The following NSRP1 variants were observed in gnomAD, a reference collection of about 807,000 sequenced individuals.
NSRP1 encodes nuclear speckle splicing regulatory protein 1, also known as coiled-coil domain containing 55.
NSRP1 carries 24 observed loss-of-function variants against 54.7 expected under a neutral mutation model. The ratio of observed to expected loss-of-function variants is 0.44; its 90% CI spans 0.32 to 0.62. The LOEUF is 0.62. Among genes scored for constraint, NSRP1 ranks in the 20% least tolerant of loss-of-function variants. The pLI is 0.06. For synonymous variants in NSRP1, 210 were observed against 213.8 expected, an observed-to-expected ratio of 0.98 and a Z score of 0.15; for missense variants, 596 against 651.2, an observed-to-expected ratio of 0.92 and a Z score of 0.92.
chr17:30,116,870 G>A lies in NSRP1; in HGVS notation c.20+7G>A. On this transcript the variant is annotated splice_region_variant and intron_variant, in intron 1 of 6. Coordinates refer to ENST00000247026, the MANE Select transcript of NSRP1 (RefSeq NM_032141.4). ...TGGCGATTCCGGGCAGGCAGTGAGTGATCCGGGAGTTAGGGTCAGGCTGGG... is the reference window on the plus strand; with the variant it reads ...TGGCGATTCCGGGCAGGCAGTGAGTAATCCGGGAGTTAGGGTCAGGCTGGG... The A allele has an allele frequency of 6.4e-7, 1 of 1,573,064 alleles. No homozygotes were observed. The highest frequency in any genetic ancestry group is 8.6e-7 in the Non-Finnish European group (1 of 1,158,722).
intron 2 of NSRP1, among the ~76,000 whole-genome samples, chr17:30,132,780 C>T (rs1037900750): frequency 6.6e-6 from 1 of 152,202 alleles, no homozygotes; most frequent in Admixed American, 6.5e-5. Flanking sequence ...TTGGAATCAG[C>T]TTCTTCCAAA....
intron 2 of NSRP1, chr17:30,156,743 T>G (rs2143005148): frequency 6.6e-6 from 1 of 152,394 alleles, no homozygotes. Context: ...GGTCTCGAAC[T>G]CCCGACCTCA....
chr17:30,123,908 A>G (rs988630683), intron 2 of NSRP1, among the ~76,000 whole-genome samples: 2 of 152,150 alleles, frequency 1.3e-5, no homozygotes, highest in Non-Finnish European at 2.9e-5. Context: ...ATCACTTACT[A>G]TGGATACAAC....
chr17:30,148,648 C>T (rs910823413), intron 2 of NSRP1, among the ~76,000 whole-genome samples: 6 of 152,114 alleles, frequency 3.9e-5, no homozygotes, highest in Non-Finnish European at 8.8e-5. Context: ...GCGGTGATCA[C>T]CAGTTTTTTT....
chr17:30,157,810 A>G (rs1904362597), intron 2 of NSRP1, among the ~76,000 whole-genome samples: 1 of 152,160 alleles, frequency 6.6e-6, no homozygotes, highest in Admixed American at 6.5e-5. Flanking sequence ...AATGATCTCC[A>G]TTTCTATCCA....
intron 6 of NSRP1, among the ~76,000 whole-genome samples, chr17:30,183,199 T>C (rs147735464): frequency 6.1e-5 from 9 of 148,472 alleles, no homozygotes; most frequent in African/African-American, 2.2e-4. Context: ...TAGCTGAAGG[T>C]AAAAGAGTCT....
rs527602784 is a variant in NSRP1, at chr17:30,132,605, A to G, written c.114+14432A>G. ...CATCCAGTAGAAGAAATTTGTCATCAATTCAAGTTTTATCATGAGATTGTC... is the reference window on the plus strand; with the variant it reads ...CATCCAGTAGAAGAAATTTGTCATCGATTCAAGTTTTATCATGAGATTGTC... On this transcript the variant is annotated intron_variant, in intron 2 of 6. Transcript: ENST00000247026. Among the ~76,000 whole-genome samples, 5 of 152,334 alleles carry G rather than the reference A, an allele frequency of 3.3e-5. No individual in the cohort carries two copies. The East Asian group carries it at 7.7e-4, about 23-fold the overall frequency.
chr17:30,179,203 T>G lies in NSRP1; in HGVS notation c.414T>G (p.Asp138Glu). The change falls in exon 5 of 7, where the codon GAT (aspartate) becomes GAG (glutamate). Residue 138 changes from aspartate (D) to glutamate (E), a missense_variant. Asp to Glu is a conservative substitution (Grantham distance 45). Transcript: ENST00000247026. ...REREMEKGEF[D>E]DKEAFVTSAY... is the part of the protein sequence containing the mutation. Reference sequence around the variant, plus strand: ...GAGAAATGGAAAAGGGGGAGTTTGATGATAAAGAAGCATTTGTGACATCTG... The same window carrying G: ...GAGAAATGGAAAAGGGGGAGTTTGAGGATAAAGAAGCATTTGTGACATCTG... The G allele has an allele frequency of 6.2e-7, 1 of 1,611,540 alleles. No individual in the cohort carries two copies. Among genetic ancestry groups the G allele is most frequent in the Middle Eastern group, 1.7e-4 (1 of 6,054 alleles).
intron 2 of NSRP1, among the ~76,000 whole-genome samples, chr17:30,145,367 G>A (rs973377885): frequency 2.8e-4 from 42 of 152,244 alleles, no homozygotes; most frequent in Admixed American, 7.2e-4. Flanking sequence ...GGCGGATCAC[G>A]AGGTCAAGAG....
At chr17:30,153,778 G>C (rs1360023295) in intron 2 of NSRP1, among the ~76,000 whole-genome samples, 1 of 152,030 alleles carries the variant, frequency 6.6e-6, no homozygotes, top group Non-Finnish European at 1.5e-5. Context: ...CCCCTGCTCT[G>C]GATCTGTGCT....
rs1237138831 is a variant in NSRP1 at position 30,185,008 on chromosome 17, C to T, written c.1011C>T (p.Tyr337=). The T allele has an allele frequency of 6.2e-7, 1 of 1,613,914 alleles. No homozygotes were observed. The highest frequency in any genetic ancestry group is 2.2e-5 in the East Asian group (1 of 44,852). The change falls in exon 7 of 7, where the codon TAC becomes TAT. Residue 337 remains tyrosine, a synonymous_variant. Transcript: ENST00000247026. ...AGAACCATTACACTGACCGTGATTA[C>T]CGGAAAGAAAGGGATTCTCATAGGC... The part of the protein sequence containing the change: ...DQENHYTDRD[Y]RKERDSHRHR...
chr17:30,145,513 G>C (rs544002381), intron 2 of NSRP1, among the ~76,000 whole-genome samples: 41 of 152,232 alleles, frequency 2.7e-4, no homozygotes, highest in African/African-American at 9.6e-4. Context: ...AATCCGGGAG[G>C]TGGAGGTTGC....
At chr17:30,149,059 G>A (rs915374234) in intron 2 of NSRP1, among the ~76,000 whole-genome samples, 2 of 152,114 alleles carry the variant, frequency 1.3e-5, no homozygotes, top group South Asian at 2.1e-4. Context: ...ACAAGTTTTG[G>A]CATGTAGTGT....
intron 2 of NSRP1, chr17:30,168,811 C>A (rs1318096287): frequency 6.6e-6 from 1 of 151,804 alleles, no homozygotes; most frequent in Non-Finnish European, 1.5e-5. Context: ...TTTGTTTAAA[C>A]AGGTTTTTGG....
intron 5 of NSRP1, 114 bp from the exon 6 acceptor site, chr17:30,180,794 A>C (rs762205746): frequency 1.2e-5 from 8 of 648,692 alleles, no homozygotes; most frequent in Non-Finnish European, 2.1e-5. Flanking sequence ...CAGTTTGCCA[A>C]CTCCTGATCC....
intron 3 of NSRP1, 180 bp from the exon 4 acceptor site, chr17:30,177,891 A>G: frequency 1.4e-6 from 1 of 713,088 alleles, no homozygotes; most frequent in Non-Finnish European, 2.5e-6. Context: ...TAGTAAGTGT[A>G]GAGCCAGCAT....
At position 30,126,785 on chromosome 17, in the gene NSRP1, C is replaced by T. The variant is rs149072499; in HGVS notation, c.114+8612C>T. On this transcript the variant is annotated intron_variant, in intron 2 of 6. Coordinates refer to ENST00000247026, the MANE Select transcript of NSRP1 (RefSeq NM_032141.4). ...GTATTTTTTTGTAGAGACAGGGTTT[C>T]GCCATGTTGCCCAGGCGGGTCTCAA... Among the ~76,000 whole-genome samples, 628 of 152,272 alleles carry T rather than the reference C, an allele frequency of 4.1e-3. 6 individuals are homozygous for T. The highest frequency in any genetic ancestry group is 0.015 in the African/African-American group (607 of 41,554).
intron 2 of NSRP1, among the ~76,000 whole-genome samples, chr17:30,146,805 C>T (rs1244610585): frequency 1.3e-5 from 2 of 152,042 alleles, no homozygotes; most frequent in Non-Finnish European, 2.9e-5. Flanking sequence ...GAGTTTTGCC[C>T]TGTTGGCCAG....
intron 2 of NSRP1, among the ~76,000 whole-genome samples, chr17:30,119,044 A>G (rs1411843895): frequency 6.6e-6 from 1 of 151,246 alleles, no homozygotes; most frequent in East Asian, 1.9e-4. Flanking sequence ...CACCGCACCC[A>G]GTAAATATGT....
Sources: allele counts gnomAD v4.1 joint callset (sites outside exome capture counted in the v4.1 genomes callset), GRCh38; gene constraint gnomAD v4.1.1; transcripts MANE v1.5; gene names NCBI Gene and HGNC (gene_info 2026-07-23, HGNC 2026-07-21).